Variants in TENM2 observed in about 807,000 individuals in gnomAD.
TENM2 encodes teneurin-2.
A neutral mutation model predicts 245.2 loss-of-function variants in TENM2; 52 were observed. That is an observed-to-expected ratio of 0.21 (90% CI 0.17 to 0.27). The LOEUF is 0.27. Among genes scored for constraint, TENM2 ranks in the 10% least tolerant of loss-of-function variants. TENM2 has a pLI of 1.00. For missense variants in TENM2, 3,046 were observed against 3,666.8 expected, an observed-to-expected ratio of 0.83 and a Z score of 4.37; for synonymous variants, 1,363 against 1,438.9, an observed-to-expected ratio of 0.95 and a Z score of 1.19.
chr5:167,636,118 T>A (rs1779197000), intron 2 of TENM2, among the ~76,000 whole-genome samples: 1 of 152,202 alleles, frequency 6.6e-6, no homozygotes, highest in African/African-American at 2.4e-5. Flanking sequence ...TAATTATTTT[T>A]AAAATGTTTA....
At chr5:167,530,785 C>A (rs1040869445) in intron 2 of TENM2, among the ~76,000 whole-genome samples, 2 of 152,176 alleles carry the variant, frequency 1.3e-5, no homozygotes, top group African/African-American at 2.4e-5. Flanking sequence ...TTCCAGCAAG[C>A]GGACTTAGAT....
At chr5:167,291,108 T>C (rs1015662799) in intron 1 of TENM2, among the ~76,000 whole-genome samples, 1 of 152,218 alleles carries the variant, frequency 6.6e-6, no homozygotes, top group African/African-American at 2.4e-5. Context: ...AATTATCTAT[T>C]GTCAATTCTG....
intron 1 of TENM2, among the ~76,000 whole-genome samples, chr5:167,317,431 C>T (rs990656702): frequency 1.3e-5 from 2 of 151,996 alleles, no homozygotes; most frequent in Non-Finnish European, 2.9e-5. Context: ...ATGAAAAGAC[C>T]AACTCATCAA....
intron 2 of TENM2, among the ~76,000 whole-genome samples, chr5:167,433,713 T>A (rs1438737023): frequency 1.3e-5 from 2 of 152,104 alleles, no homozygotes; most frequent in Non-Finnish European, 2.9e-5. Flanking sequence ...CTTTTCCTCC[T>A]AAAGTGAAAA....
chr5:167,325,391 T>C (rs992097803), intron 1 of TENM2, among the ~76,000 whole-genome samples: 2 of 152,198 alleles, frequency 1.3e-5, no homozygotes, highest in Non-Finnish European at 2.9e-5. Context: ...TGTAGGTTTT[T>C]GTTCTAATTG....
chr5:167,737,141 G>A (rs1264918452), intron 2 of TENM2, among the ~76,000 whole-genome samples: 2 of 152,114 alleles, frequency 1.3e-5, no homozygotes, highest in Non-Finnish European at 2.9e-5. Flanking sequence ...TAACCTCTGG[G>A]TACTTAGCCA....
intron 2 of TENM2, among the ~76,000 whole-genome samples, chr5:167,868,451 G>C (rs1180345842): frequency 1.3e-5 from 2 of 151,878 alleles, no homozygotes; most frequent in Admixed American, 6.6e-5. Context: ...TAAATTTTAA[G>C]ATGCTGACCG....
chr5:168,090,825 G>A, intron 8 of TENM2, 56 bp downstream of exon 10: 1 of 1,486,450 alleles, frequency 6.7e-7, no homozygotes, highest in East Asian at 2.3e-5. Flanking sequence ...AAATGTTCTG[G>A]GCTTCTCTGC....
At chr5:167,542,790 C>T (rs914304465) in intron 2 of TENM2, among the ~76,000 whole-genome samples, 2 of 152,010 alleles carry the variant, frequency 1.3e-5, no homozygotes, top group African/African-American at 4.8e-5. Context: ...TTTTATAAAA[C>T]CAATAATGAG....
intron 5 of TENM2, among the ~76,000 whole-genome samples, chr5:167,996,402 C>G (rs1784051131): frequency 6.6e-6 from 1 of 152,120 alleles, no homozygotes; most frequent in African/African-American, 2.4e-5. Context: ...AATAAACCAC[C>G]AGGGGACCAC....
At chr5:167,754,389 A>C (rs1335645562) in intron 2 of TENM2, among the ~76,000 whole-genome samples, 1 of 152,204 alleles carries the variant, frequency 6.6e-6, no homozygotes, top group Non-Finnish European at 1.5e-5. Flanking sequence ...ATAATTTCAC[A>C]ACAGGTAGTT....
At chr5:168,143,167 A>G (rs1755703729) in intron 12 of TENM2, among the ~76,000 whole-genome samples, 1 of 151,776 alleles carries the variant, frequency 6.6e-6, no homozygotes, top group South Asian at 2.1e-4. Context: ...TGAACAAGGG[A>G]TTTTTTGGCC....
the TENM2 span, among the ~76,000 whole-genome samples, chr5:167,252,726 A>G: frequency 6.6e-6 from 1 of 152,122 alleles, no homozygotes; most frequent in African/African-American, 2.4e-5. Context: ...CTCAGCAACC[A>G]GTGGTCTCTG....
At chr5:167,792,089 T>A (rs757051628) in intron 2 of TENM2, among the ~76,000 whole-genome samples, 15 of 152,126 alleles carry the variant, frequency 9.9e-5, no homozygotes, top group Non-Finnish European at 1.6e-4. Context: ...AGTGGACAAG[T>A]GAAAAGCAGG....
intron 2 of TENM2, among the ~76,000 whole-genome samples, chr5:167,436,744 C>A (rs1476886823): frequency 6.6e-6 from 1 of 152,134 alleles, no homozygotes; most frequent in Non-Finnish European, 1.5e-5. Context: ...GTCCCACCCA[C>A]TGCAGCCATG....
intron 25 of TENM2, among the ~76,000 whole-genome samples, chr5:168,233,775 G>A (rs10058988): frequency 0.029 from 4,429 of 152,266 alleles, 214 homozygotes; most frequent in African/African-American, 0.1. Context: ...CACATGGCTG[G>A]GGAGGCCTCA....
intron 2 of TENM2, among the ~76,000 whole-genome samples, chr5:167,519,911 T>G (rs1207360509): frequency 6.6e-6 from 1 of 152,198 alleles, no homozygotes; most frequent in Non-Finnish European, 1.5e-5. Flanking sequence ...CTCTGATACA[T>G]GTTTACAAGA....
chr5:167,574,747 A>G (rs1031380643), intron 2 of TENM2, among the ~76,000 whole-genome samples: 18 of 152,200 alleles, frequency 1.2e-4, no homozygotes, highest in African/African-American at 4.1e-4. Context: ...AAGCGGCTCA[A>G]TAATGGAGGG....
intron 2 of TENM2, among the ~76,000 whole-genome samples, chr5:167,729,339 A>C (rs1255821766): frequency 6.6e-6 from 1 of 152,224 alleles, no homozygotes; most frequent in Non-Finnish European, 1.5e-5. Context: ...TAGTTTTTGC[A>C]AGTGAATAGA....
Sources: gnomAD v4.1 joint callset for allele counts (sites outside exome capture counted in the v4.1 genomes callset) on GRCh38, gnomAD v4.1.1 for gene constraint, MANE v1.5 for transcripts, NCBI Gene and HGNC (gene_info 2026-07-23, HGNC 2026-07-21) for gene names.